Variants in SLC9A2 observed in about 807,000 individuals in gnomAD.
SLC9A2 encodes sodium/hydrogen exchanger 2.
SLC9A2 carries 42 observed loss-of-function variants against 71.7 expected under a neutral mutation model. The ratio of observed to expected loss-of-function variants is 0.59; its 90% CI spans 0.46 to 0.76. SLC9A2 has a LOEUF of 0.76. Among genes scored for constraint, SLC9A2 ranks in the 30% least tolerant of loss-of-function variants. SLC9A2 has a pLI of 0.00. For synonymous variants in SLC9A2, 396 were observed against 392.5 expected, an observed-to-expected ratio of 1.01 and a Z score of -0.10; for missense variants, 829 against 1,017.4, an observed-to-expected ratio of 0.81 and a Z score of 2.52.
chr2:102,629,502 G>A lies in SLC9A2; in HGVS notation c.289+9365G>A, dbSNP rs543753053. Among the ~76,000 whole-genome samples the A allele has an allele frequency of 1.2e-3, 184 of 151,978 alleles. 3 individuals are homozygous for A. The highest frequency in any genetic ancestry group is 4.3e-3 in the African/African-American group (178 of 41,480). The stretch of plus-strand genomic sequence containing the variant: ...ATTAAACCACATAGATCTGGATTTT[G>A]CATCTTTAATTTCACATTTTAAAAC... On this transcript the variant is annotated intron_variant, in intron 1 of 11. Coordinates refer to ENST00000233969, the MANE Select transcript of SLC9A2 (RefSeq NM_003048.6).
chr2:102,666,360 T>C lies in SLC9A2; in HGVS notation c.1004+1010T>C, dbSNP rs1677142059. Among the ~76,000 whole-genome samples, 3 of 152,164 alleles carry C rather than the reference T, an allele frequency of 2.0e-5. No individual in the cohort carries two copies. In the South Asian group the frequency reaches 6.2e-4, roughly 32 times the overall value. On this transcript the variant is annotated intron_variant, in intron 3 of 11. Coordinates refer to ENST00000233969, the MANE Select transcript of SLC9A2 (RefSeq NM_003048.6). ...GCAGGCGCCCGCCACCACACCGGGC[T>C]AATTTTTTTTGTATTTTTAGTAGAG...
At chr2:102,691,637 TAAA>T (rs1166851739) in intron 5 of SLC9A2, among the ~76,000 whole-genome samples, 1 of 152,198 alleles carries the variant, frequency 6.6e-6, no homozygotes, top group Non-Finnish European at 1.5e-5. Context: ...AATTCAAAGA[TAAA>T]AAGGGCGACG....
chr2:102,680,784 C>T (rs1364632336), intron 3 of SLC9A2, among the ~76,000 whole-genome samples: 3 of 152,058 alleles, frequency 2.0e-5, no homozygotes, highest in Admixed American at 2.0e-4. Flanking sequence ...GGGGAGATTC[C>T]ATTAGAATAT....
At position 102,710,737 on chromosome 2, in the gene SLC9A2, T is replaced by C. The variant is rs1477374602; in HGVS notation, c.*2248T>C. ...AGTCATTATGAGAGTATTGACTAAATATTTTCACAATCTAAATATTGTCAC... is the reference window on the plus strand; with the variant it reads ...AGTCATTATGAGAGTATTGACTAAACATTTTCACAATCTAAATATTGTCAC... On this transcript the variant is annotated 3_prime_UTR_variant, in exon 12 of 12. Transcript: ENST00000233969. The C allele has an allele frequency of 6.6e-6, 1 of 152,278 alleles. No homozygotes were observed. The highest frequency in any genetic ancestry group is 1.5e-5 in the Non-Finnish European group (1 of 68,024). The allele number at this position is 152,278 out of a possible 1,614,324, so 9.4% of individuals were successfully genotyped here.
chr2:102,680,398 T>G (rs1022347931), intron 3 of SLC9A2, among the ~76,000 whole-genome samples: 1 of 152,140 alleles, frequency 6.6e-6, no homozygotes, highest in African/African-American at 2.4e-5. Flanking sequence ...GGGTAACCAG[T>G]GATTTATATC....
chr2:102,673,378 T>G (rs549687959), intron 3 of SLC9A2, among the ~76,000 whole-genome samples: 1 of 144,888 alleles, frequency 6.9e-6, no homozygotes, highest in Non-Finnish European at 1.5e-5. Context: ...ATATTGATAT[T>G]GCTTTTTTTG....
intron 1 of SLC9A2, among the ~76,000 whole-genome samples, chr2:102,643,112 T>C (rs1299018090): frequency 6.6e-6 from 1 of 152,244 alleles, no homozygotes; most frequent in Non-Finnish European, 1.5e-5. Flanking sequence ...CTGTGGTTTC[T>C]GTCTTTTTGT....
At chr2:102,620,647 G>T (rs1300085493) in intron 1 of SLC9A2, among the ~76,000 whole-genome samples, 1 of 152,178 alleles carries the variant, frequency 6.6e-6, no homozygotes, top group African/African-American at 2.4e-5. Context: ...CAATAGGAAC[G>T]CCCTTTCTCC....
chr2:102,687,337 C>T (rs1397263208), intron 5 of SLC9A2, among the ~76,000 whole-genome samples: 1 of 152,154 alleles, frequency 6.6e-6, no homozygotes, highest in Non-Finnish European at 1.5e-5. Context: ...TACACACATA[C>T]TCCCTTCAGA....
chr2:102,629,126 C>T (rs952260415), intron 1 of SLC9A2, among the ~76,000 whole-genome samples: 2 of 152,034 alleles, frequency 1.3e-5, no homozygotes, highest in South Asian at 2.1e-4. Flanking sequence ...GTTACTTTAT[C>T]AGTTCCTGGG....
intron 5 of SLC9A2, among the ~76,000 whole-genome samples, chr2:102,685,806 CG>C (rs1368591461): frequency 6.6e-6 from 1 of 152,076 alleles, no homozygotes; most frequent in Admixed American, 6.6e-5. Context: ...AGTGGAGATA[CG>C]GATGAGGCAG....
At chr2:102,658,753 GA>G (rs1377656792) in intron 2 of SLC9A2, among the ~76,000 whole-genome samples, 1 of 151,944 alleles carries the variant, frequency 6.6e-6, no homozygotes, top group Non-Finnish European at 1.5e-5. Context: ...CCTGCCTTCT[GA>G]ACACAGGCAA....
chr2:102,695,319 G>A (rs558344183), intron 7 of SLC9A2, among the ~76,000 whole-genome samples: 1 of 152,190 alleles, frequency 6.6e-6, no homozygotes, highest in South Asian at 2.1e-4. Flanking sequence ...TCTGTAAATA[G>A]CCAGAGATAG....
chr2:102,650,021 T>C (rs1676800273), intron 1 of SLC9A2, among the ~76,000 whole-genome samples: 1 of 152,188 alleles, frequency 6.6e-6, no homozygotes, highest in South Asian at 2.1e-4. Flanking sequence ...TGCACACGTG[T>C]GTTTCTTGCA....
In SLC9A2 at chr2:102,643,973, C is replaced by T. The variant is rs115376385; in HGVS notation, c.290-13591C>T. ...CAGGTATACCTGTCTCCTAACTTAA[C>T]GGCCATTACTTTTGTCACTGATTAT... On this transcript the variant is annotated intron_variant, in intron 1 of 11. Coordinates refer to ENST00000233969, the MANE Select transcript of SLC9A2 (RefSeq NM_003048.6). Among the ~76,000 whole-genome samples, 960 of 151,782 alleles carry T rather than the reference C, an allele frequency of 6.3e-3. 4 individuals carry two copies. Among genetic ancestry groups the T allele is most frequent in the African/African-American group, 0.017 (690 of 41,360 alleles).
chr2:102,649,759 A>G (rs1391273566), intron 1 of SLC9A2, among the ~76,000 whole-genome samples: 1 of 152,076 alleles, frequency 6.6e-6, no homozygotes, highest in Non-Finnish European at 1.5e-5. Context: ...GCAAATCAAA[A>G]CCCCGAGATA....
rs150662206 is a variant in SLC9A2 at position 102,708,293 on chromosome 2, C to A, written c.2243C>A (p.Pro748Gln). ...GGCCGAGATATGCCCAGCACCCCCC[C>A]AACACCCCACAGCAGAGAAAAGGGC... ...DSGRDMPSTPPTPHSREKGTQ... is the reference protein window; with the variant it reads ...DSGRDMPSTPQTPHSREKGTQ... The change falls in exon 12 of 12, where the codon CCA becomes CAA. Residue 748 changes from proline to glutamine, a missense_variant. Transcript: ENST00000233969. 1.2e-4 allele frequency: 197 copies of A among 1,614,046 alleles called. No individual in the cohort carries two copies. Among genetic ancestry groups the A allele is most frequent in the Non-Finnish European group, 3.2e-5 (38 of 1,180,024 alleles).
At chr2:102,646,862 C>T (rs968972308) in intron 1 of SLC9A2, among the ~76,000 whole-genome samples, 1 of 150,660 alleles carries the variant, frequency 6.6e-6, no homozygotes, top group Non-Finnish European at 1.5e-5. Context: ...GACTCCCATA[C>T]AATAATAGTG....
At chr2:102,621,316 T>C in intron 1 of SLC9A2, among the ~76,000 whole-genome samples, 1 of 133,266 alleles carries the variant, frequency 7.5e-6, no homozygotes, top group Admixed American at 8.9e-5. Context: ...ACCACTGCAC[T>C]CCAGCCTGGG....
Sources: gnomAD v4.1 joint callset for allele counts (sites outside exome capture counted in the v4.1 genomes callset) on GRCh38, gnomAD v4.1.1 for gene constraint, MANE v1.5 for transcripts, NCBI Gene and HGNC (gene_info 2026-07-23, HGNC 2026-07-21) for gene names.